ARHGAP26: variants seen among roughly 807,000 people sequenced by gnomAD.
ARHGAP26 encodes the protein rho GTPase-activating protein 26.
A neutral mutation model predicts 104.8 loss-of-function variants in ARHGAP26; 38 were observed. The observed-to-expected ratio is 0.36, with a 90% CI of 0.28 to 0.48. ARHGAP26 has a LOEUF of 0.48. Ranked by LOEUF, ARHGAP26 falls within the 20% of genes least tolerant of loss-of-function variation. The pLI, the probability that ARHGAP26 is intolerant of heterozygous loss-of-function variation, is 0.99. For synonymous variants in ARHGAP26, 341 were observed against 340.0 expected (o/e 1.00, Z -0.03); for missense variants, 704 against 947.9 (o/e 0.74, Z 3.38).
At chr5:143,078,303 C>A (rs1282458656) in intron 17 of ARHGAP26, among the ~76,000 whole-genome samples, 1 of 152,204 alleles carries the variant, frequency 6.6e-6, no homozygotes, top group Non-Finnish European at 1.5e-5. Context: ...TAACCTGCAA[C>A]CATCCCGAGA....
rs3733729 is a variant in ARHGAP26 at position 143,221,293 on chromosome 5, G to A, written c.2192-1065G>A. Reference sequence around the variant, plus strand: ...ACTGAAAAATCAAAGGGCAATAGAGGGAGGAAGAGAAGAATTTTCAAACTG... The same window carrying A: ...ACTGAAAAATCAAAGGGCAATAGAGAGAGGAAGAGAAGAATTTTCAAACTG... On this transcript the variant is annotated intron_variant, in intron 22 of 22. Coordinates refer to ENST00000645722, the MANE Select transcript of ARHGAP26 (RefSeq NM_001135608.3). 2.8e-4 allele frequency among the ~76,000 whole-genome samples: 42 copies of A among 152,166 alleles called. 1 individual carries two copies. In the East Asian group the frequency reaches 8.1e-3, roughly 29 times the overall value.
chr5:143,112,663 G>C (rs1422128577), intron 17 of ARHGAP26, among the ~76,000 whole-genome samples: 2 of 152,068 alleles, frequency 1.3e-5, no homozygotes, highest in East Asian at 3.9e-4. Flanking sequence ...TTTCAACTCT[G>C]TGAATTTGAC....
At chr5:143,085,338 G>T (rs1350339032) in intron 17 of ARHGAP26, among the ~76,000 whole-genome samples, 5 of 152,078 alleles carry the variant, frequency 3.3e-5, no homozygotes, top group African/African-American at 9.7e-5. Flanking sequence ...AAAAACAGAG[G>T]CAGAGCATAG....
Position 143,224,734 on chromosome 5 carries a change from TCTC to T in ARHGAP26, c.*2291_*2293del, listed in dbSNP as rs1184944501. The T allele has an allele frequency of 8.7e-6, 2 of 228,858 alleles. No individual in the cohort carries two copies. The highest frequency in any genetic ancestry group is 1.1e-4 in the Admixed American group (2 of 17,648). 14.2% of individuals were successfully genotyped at this position (228,858 alleles called of 1,614,324 possible). On this transcript the variant is annotated 3_prime_UTR_variant, in exon 23 of 23. Coordinates refer to ENST00000645722, the MANE Select transcript of ARHGAP26 (RefSeq NM_001135608.3). ...TTCTCAATGTGCTGCTGCTTTCCCT[TCTC>T]CTAAACATTTTAAAACTCTTCCCTT... is the stretch of plus-strand genomic sequence containing the variant.
At chr5:142,946,869 C>T (rs1767189115) in intron 11 of ARHGAP26, 2 of 152,032 alleles carry the variant, frequency 1.3e-5, no homozygotes, top group Non-Finnish European at 2.9e-5. Context: ...GTAAACACAT[C>T]CTAAAAACAA....
intron 8 of ARHGAP26, among the ~76,000 whole-genome samples, chr5:142,904,220 G>A (rs1052838833): frequency 3.3e-5 from 5 of 152,038 alleles, no homozygotes; most frequent in African/African-American, 1.2e-4. Flanking sequence ...GCTGCATGCG[G>A]TGGCTCACGT....
intron 17 of ARHGAP26, among the ~76,000 whole-genome samples, chr5:143,082,274 T>TC (rs1160578083): frequency 1.3e-5 from 2 of 152,120 alleles, no homozygotes; most frequent in Non-Finnish European, 2.9e-5. Context: ...GAAAAATTCT[T>TC]CTAGGATGAA....
At chr5:143,142,284 G>A (rs1011935352) in intron 19 of ARHGAP26, among the ~76,000 whole-genome samples, 9 of 151,572 alleles carry the variant, frequency 5.9e-5, no homozygotes, top group East Asian at 1.9e-4. Flanking sequence ...GACTGCATGC[G>A]CCCGCCACCA....
At chr5:142,879,682 A>G (rs1181702481) in intron 4 of ARHGAP26, among the ~76,000 whole-genome samples, 3 of 152,132 alleles carry the variant, frequency 2.0e-5, no homozygotes, top group Admixed American at 6.5e-5. Flanking sequence ...TTGTTACCTC[A>G]TTGTTCTGTG....
At chr5:142,828,222 AC>A (rs1436098092) in intron 1 of ARHGAP26, among the ~76,000 whole-genome samples, 1 of 152,228 alleles carries the variant, frequency 6.6e-6, no homozygotes, top group Non-Finnish European at 1.5e-5. Flanking sequence ...GTTAAAAATT[AC>A]GAGTGTTGTC....
chr5:143,092,375 A>G lies in ARHGAP26; in HGVS notation c.1539-28613A>G, dbSNP rs150511315. Among the ~76,000 whole-genome samples the G allele has an allele frequency of 6.5e-3, 993 of 152,256 alleles. 26 individuals are homozygous for G. The East Asian group carries it at 0.076, about 12-fold the overall frequency. The stretch of plus-strand genomic sequence containing the variant: ...GAGACAGGGTTTCACCATGTTAGCC[A>G]GGATGGTCTCGATCTCCTGACCTCG... On this transcript the variant is annotated intron_variant, in intron 17 of 22. Coordinates refer to ENST00000645722, the MANE Select transcript of ARHGAP26 (RefSeq NM_001135608.3).
chr5:142,945,666 A>C (rs1210663141), intron 11 of ARHGAP26, among the ~76,000 whole-genome samples: 1 of 152,122 alleles, frequency 6.6e-6, no homozygotes, highest in Non-Finnish European at 1.5e-5. Flanking sequence ...TTTTTTTTAA[A>C]CTTTTTATTT....
Position 142,897,413 on chromosome 5 carries a change from G to C in ARHGAP26, c.597+3065G>C, listed in dbSNP as rs143086806. On this transcript the variant is annotated intron_variant, in intron 6 of 22. Transcript: ENST00000645722. ...CAGAAGTTATTGTCTCTGCACATCA[G>C]CTTCTAGGCAGGTCAGTGGCTTCAG... Among the ~76,000 whole-genome samples the C allele has an allele frequency of 6.1e-3, 927 of 152,330 alleles. 10 individuals carry two copies. Among genetic ancestry groups the C allele is most frequent in the African/African-American group, 0.021 (885 of 41,564 alleles).
chr5:143,072,369 TACA>T (rs1259782135), intron 17 of ARHGAP26, among the ~76,000 whole-genome samples: 1 of 151,966 alleles, frequency 6.6e-6, no homozygotes, highest in Non-Finnish European at 1.5e-5. Context: ...AAACTGAAAA[TACA>T]ACAACATGAT....
chr5:142,850,372 GCTCT>G (rs147891891), intron 1 of ARHGAP26, among the ~76,000 whole-genome samples: 6 of 150,164 alleles, frequency 4.0e-5, no homozygotes, highest in East Asian at 1.9e-4. Context: ...TATTACAGAT[GCTCT>G]CTCTCTCTCT....
intron 3 of ARHGAP26, 102 bp downstream of exon 3, chr5:142,875,273 T>C: frequency 8.7e-7 from 1 of 1,149,824 alleles, no homozygotes; most frequent in Non-Finnish European, 1.3e-6. Flanking sequence ...GACTCTGCCA[T>C]TTGAATGTTT....
intron 20 of ARHGAP26, chr5:143,173,119 G>A (rs1803005195): frequency 5.8e-6 from 1 of 171,012 alleles, no homozygotes; most frequent in African/African-American, 2.4e-5. Flanking sequence ...GGACCCAGGG[G>A]AGGGACACTG....
chr5:142,905,255 T>C (rs974641544), intron 8 of ARHGAP26, among the ~76,000 whole-genome samples: 1 of 151,952 alleles, frequency 6.6e-6, no homozygotes, highest in Non-Finnish European at 1.5e-5. Context: ...AAAATCAATG[T>C]TGTTTTTTTG....
intron 20 of ARHGAP26, among the ~76,000 whole-genome samples, chr5:143,183,957 C>G (rs1804772000): frequency 6.6e-6 from 1 of 152,198 alleles, no homozygotes; most frequent in Admixed American, 6.5e-5. Context: ...GCCTTCTTTC[C>G]TCTCCTCATG....
Sources: allele counts gnomAD v4.1 joint callset (sites outside exome capture counted in the v4.1 genomes callset), GRCh38; gene constraint gnomAD v4.1.1; transcripts MANE v1.5; gene names NCBI Gene and HGNC (gene_info 2026-07-23, HGNC 2026-07-21).